Variants in SDK1 observed in about 807,000 individuals in gnomAD.
SDK1 encodes protein sidekick-1.
A neutral mutation model predicts 245.5 loss-of-function variants in SDK1; 157 were observed. The ratio of observed to expected loss-of-function variants is 0.64; its 90% CI spans 0.56 to 0.73. SDK1 has a LOEUF of 0.73. Ranked by LOEUF, SDK1 falls within the 30% of genes least tolerant of loss-of-function variation. The pLI is 0.00. For missense variants in SDK1, 3,583 were observed against 3,002.3 expected (o/e 1.19, Z -4.52); for synonymous variants, 1,647 against 1,278.5 (o/e 1.29, Z -6.15).
intron 17 of SDK1, among the ~76,000 whole-genome samples, chr7:4,041,622 C>T (rs1010234282): frequency 2.6e-5 from 4 of 151,884 alleles, no homozygotes; most frequent in Non-Finnish European, 5.9e-5. Flanking sequence ...ACTGCCGACC[C>T]CCAGCAGCCA....
At chr7:4,033,966 A>T (rs1788031834) in intron 17 of SDK1, among the ~76,000 whole-genome samples, 1 of 152,186 alleles carries the variant, frequency 6.6e-6, no homozygotes, top group Admixed American at 6.5e-5. Flanking sequence ...AAAGGAAAAA[A>T]AACGGAGTAA....
intron 5 of SDK1, among the ~76,000 whole-genome samples, chr7:3,862,009 G>T (rs2115118981): frequency 6.6e-6 from 1 of 152,348 alleles, no homozygotes; most frequent in African/African-American, 2.4e-5. Context: ...AACAAAGGCT[G>T]CCGAGTATTA....
chr7:3,612,923 T>C (rs1258366109), intron 1 of SDK1, among the ~76,000 whole-genome samples: 1 of 144,770 alleles, frequency 6.9e-6, no homozygotes, highest in African/African-American at 2.5e-5. Flanking sequence ...ACCCCCCTTG[T>C]TTGTGGTACA....
intron 22 of SDK1, among the ~76,000 whole-genome samples, chr7:4,108,410 A>G (rs1783094945): frequency 6.6e-6 from 1 of 150,708 alleles, no homozygotes; most frequent in Admixed American, 6.6e-5. Context: ...CCCAGTGCTG[A>G]GAACTGGCTC....
At chr7:4,082,264 G>A (rs368278758) in intron 22 of SDK1, among the ~76,000 whole-genome samples, 7 of 152,050 alleles carry the variant, frequency 4.6e-5, no homozygotes, top group African/African-American at 7.2e-5. Flanking sequence ...TTGGCCAGGC[G>A]TGATGGCTCA....
chr7:3,552,804 T>C (rs1779458378), intron 1 of SDK1, among the ~76,000 whole-genome samples: 1 of 152,222 alleles, frequency 6.6e-6, no homozygotes, highest in Non-Finnish European at 1.5e-5. Context: ...AGTTAAATGC[T>C]TTTGCCCAGT....
intron 22 of SDK1, among the ~76,000 whole-genome samples, chr7:4,101,842 G>A (rs576694102): frequency 1.6e-4 from 24 of 152,230 alleles, no homozygotes; most frequent in Admixed American, 1.3e-3. Context: ...CAAGAGAGAA[G>A]AAAGAGGAGG....
At chr7:3,749,401 G>T (rs937915098) in intron 4 of SDK1, among the ~76,000 whole-genome samples, 1 of 152,186 alleles carries the variant, frequency 6.6e-6, no homozygotes, top group African/African-American at 2.4e-5. Flanking sequence ...CCAGGTTCAA[G>T]CAATTCCCCT....
chr7:3,902,816 T>G (rs1781834361), intron 5 of SDK1, among the ~76,000 whole-genome samples: 1 of 151,986 alleles, frequency 6.6e-6, no homozygotes, highest in Non-Finnish European at 1.5e-5. Flanking sequence ...GTTTGCTAGT[T>G]TTTGTTTGTT....
chr7:3,520,165 G>T (rs758938860), intron 1 of SDK1, among the ~76,000 whole-genome samples: 15 of 152,258 alleles, frequency 9.9e-5, no homozygotes, highest in Admixed American at 2.0e-4. Flanking sequence ...TCCTCTGGGG[G>T]TTACATGTAT....
intron 2 of SDK1, among the ~76,000 whole-genome samples, chr7:3,625,259 A>G (rs1302352070): frequency 6.6e-6 from 1 of 152,226 alleles, no homozygotes; most frequent in Non-Finnish European, 1.5e-5. Context: ...GAGAAACTTC[A>G]TCAGAAACCG....
intron 14 of SDK1, among the ~76,000 whole-genome samples, chr7:3,997,072 G>A (rs1258865443): frequency 6.6e-6 from 1 of 152,080 alleles, no homozygotes; most frequent in Non-Finnish European, 1.5e-5. Flanking sequence ...AGTTCTTCCT[G>A]GCCCTTTCTA....
At chr7:4,088,974 A>G (rs1300305781) in intron 22 of SDK1, among the ~76,000 whole-genome samples, 1 of 151,140 alleles carries the variant, frequency 6.6e-6, no homozygotes, top group Non-Finnish European at 1.5e-5. Flanking sequence ...CCTCAGAGGG[A>G]GGTGAGACCC....
At chr7:3,652,714 G>A (rs934417127) in intron 4 of SDK1, among the ~76,000 whole-genome samples, 4 of 152,150 alleles carry the variant, frequency 2.6e-5, no homozygotes, top group Non-Finnish European at 5.9e-5. Flanking sequence ...AGTTTGTGGT[G>A]ATGGATATCT....
chr7:3,991,962 G>C (rs1373516205), intron 14 of SDK1, among the ~76,000 whole-genome samples: 1 of 152,230 alleles, frequency 6.6e-6, no homozygotes, highest in East Asian at 1.9e-4. Flanking sequence ...TTAGCAGCAA[G>C]TGCACTAAAA....
At chr7:3,507,218 A>G (rs959967667) in intron 1 of SDK1, among the ~76,000 whole-genome samples, 4 of 152,114 alleles carry the variant, frequency 2.6e-5, no homozygotes, top group Admixed American at 2.0e-4. Context: ...AGTTCTCTCT[A>G]GTAGTTGTCG....
chr7:3,952,342 G>T (rs1429791433), intron 7 of SDK1, among the ~76,000 whole-genome samples: 1 of 152,188 alleles, frequency 6.6e-6, no homozygotes, highest in African/African-American at 2.4e-5. Flanking sequence ...ACTTTGGGAG[G>T]CCAAGGTGGG....
In SDK1 at chr7:4,052,916, G is replaced by A. The variant is rs377319323; in HGVS notation, c.2911+1086G>A. On this transcript the variant is annotated intron_variant, in intron 19 of 44. Coordinates refer to ENST00000404826, the MANE Select transcript of SDK1 (RefSeq NM_152744.4). Reference sequence around the variant, plus strand: ...AGCCTGGCCAAGATGGTGAAACCCCGTCATTACGAAAAATACAAAAATTAG... The same window carrying A: ...AGCCTGGCCAAGATGGTGAAACCCCATCATTACGAAAAATACAAAAATTAG... Among the ~76,000 whole-genome samples the A allele has an allele frequency of 1.6e-4, 25 of 151,682 alleles. No homozygotes were observed. The East Asian group carries it at 3.1e-3, about 19-fold the overall frequency.
chr7:4,075,765 G>C (rs773440877), intron 20 of SDK1, among the ~76,000 whole-genome samples: 1 of 151,176 alleles, frequency 6.6e-6, no homozygotes, highest in Non-Finnish European at 1.5e-5. Context: ...AGTGATTCTC[G>C]TGCCTCAGCC....
Sources: gnomAD v4.1 joint callset for allele counts (sites outside exome capture counted in the v4.1 genomes callset) on GRCh38, gnomAD v4.1.1 for gene constraint, MANE v1.5 for transcripts, NCBI Gene and HGNC (gene_info 2026-07-23, HGNC 2026-07-21) for gene names.